ATP10B: variants seen among roughly 807,000 people sequenced by gnomAD.
ATP10B encodes phospholipid-transporting ATPase VB.
In ATP10B, 122 loss-of-function variants were observed where a neutral mutation model predicts 141.2. The ratio of observed to expected loss-of-function variants is 0.86; its 90% CI spans 0.75 to 1.00. The LOEUF (loss-of-function observed/expected upper bound fraction) is 1.00. Ranked by LOEUF, ATP10B falls within the 50% of genes least tolerant of loss-of-function variation. The pLI, the probability that ATP10B is intolerant of heterozygous loss-of-function variation, is 0.00. For missense variants in ATP10B, 1,876 were observed against 1,825.3 expected, an observed-to-expected ratio of 1.03 and a Z score of -0.51; for synonymous variants, 685 against 692.0, an observed-to-expected ratio of 0.99 and a Z score of 0.16.
chr5:160,787,377 G>A (rs533443706), intron 1 of ATP10B, among the ~76,000 whole-genome samples: 10 of 152,202 alleles, frequency 6.6e-5, no homozygotes, highest in African/African-American at 2.4e-4. Context: ...ACCTGGCTGT[G>A]TTTTCAACCC....
the ATP10B span, among the ~76,000 whole-genome samples, chr5:160,870,625 G>C: frequency 2.6e-5 from 4 of 151,770 alleles, no homozygotes; most frequent in African/African-American, 9.7e-5. Context: ...ACTAGAAGGA[G>C]AAAAAGATCA....
chr5:160,616,340 C>A (rs1757997177), intron 16 of ATP10B, among the ~76,000 whole-genome samples: 2 of 152,114 alleles, frequency 1.3e-5, no homozygotes, highest in African/African-American at 2.4e-5. Context: ...AGAAGAATAA[C>A]TGAATAGGGG....
chr5:160,743,790 G>C (rs1250002585), intron 2 of ATP10B, among the ~76,000 whole-genome samples: 1 of 152,102 alleles, frequency 6.6e-6, no homozygotes, highest in Non-Finnish European at 1.5e-5. Flanking sequence ...TCTCAGCTGG[G>C]ATTTATTTTG....
At chr5:160,601,037 G>T (rs979943390) in intron 21 of ATP10B, among the ~76,000 whole-genome samples, 1 of 152,052 alleles carries the variant, frequency 6.6e-6, no homozygotes, top group Non-Finnish European at 1.5e-5. Flanking sequence ...TTATTCAAAA[G>T]AATTATTCCT....
intron 2 of ATP10B, among the ~76,000 whole-genome samples, chr5:160,739,234 T>C (rs1767308095): frequency 6.6e-6 from 1 of 152,158 alleles, no homozygotes; most frequent in Non-Finnish European, 1.5e-5. Context: ...CTATATTCGA[T>C]GGTGAGAGGC....
chr5:160,695,102 T>C (rs758087656), intron 3 of ATP10B, among the ~76,000 whole-genome samples: 3 of 152,134 alleles, frequency 2.0e-5, no homozygotes, highest in Non-Finnish European at 4.4e-5. Context: ...AACAGAACAA[T>C]AGAAAAATAA....
chr5:160,811,787 G>T (rs1773170734), intron 1 of ATP10B, among the ~76,000 whole-genome samples: 1 of 152,158 alleles, frequency 6.6e-6, no homozygotes, highest in East Asian at 1.9e-4. Context: ...CTGAAAGGAA[G>T]GATACAAACC....
At chr5:160,617,777 G>T in intron 16 of ATP10B, 87 bp downstream of exon 16, 1 of 1,154,992 alleles carries the variant, frequency 8.7e-7, no homozygotes, top group South Asian at 1.3e-5. Context: ...CCACCTCTAA[G>T]GGTCTTTTAT....
chr5:160,707,563 T>C (rs1402846552), intron 3 of ATP10B, among the ~76,000 whole-genome samples: 1 of 152,242 alleles, frequency 6.6e-6, no homozygotes, highest in Non-Finnish European at 1.5e-5. Context: ...TAAATTGTAA[T>C]ATGCGCATGT....
At chr5:160,823,594 C>T (rs1051773453) in intron 1 of ATP10B, among the ~76,000 whole-genome samples, 24 of 152,290 alleles carry the variant, frequency 1.6e-4, no homozygotes, top group Middle Eastern at 3.4e-3. Flanking sequence ...CTGTGGCCTA[C>T]GCCTGTAATC....
intron 7 of ATP10B, among the ~76,000 whole-genome samples, chr5:160,660,755 T>C (rs1276392024): frequency 6.6e-6 from 1 of 152,192 alleles, no homozygotes; most frequent in Non-Finnish European, 1.5e-5. Flanking sequence ...TGACATAACA[T>C]TGACATGCAC....
At chr5:160,678,551 C>T (rs1313700154) in intron 6 of ATP10B, among the ~76,000 whole-genome samples, 19 of 152,058 alleles carry the variant, frequency 1.2e-4, no homozygotes, top group African/African-American at 2.7e-4. Context: ...CCCAGCTACT[C>T]GGGAGGCTGA....
At chr5:160,655,347 AC>A (rs965677821) in intron 7 of ATP10B, among the ~76,000 whole-genome samples, 37 of 150,908 alleles carry the variant, frequency 2.5e-4, no homozygotes, top group Admixed American at 1.1e-3. Context: ...AGAAGGTTCC[AC>A]CCCCGCCAAT....
At chr5:160,612,600 G>T in intron 18 of ATP10B, 141 bp downstream of exon 18, 1 of 643,358 alleles carries the variant, frequency 1.6e-6, no homozygotes, top group Non-Finnish European at 2.6e-6. Context: ...GGGTCCTCTA[G>T]ACTCCAAGAT....
chr5:160,809,407 T>C (rs1772997829), intron 1 of ATP10B, among the ~76,000 whole-genome samples: 1 of 152,196 alleles, frequency 6.6e-6, no homozygotes, highest in Non-Finnish European at 1.5e-5. Flanking sequence ...ATTTTTTTTC[T>C]ACTTGACACG....
At chr5:160,647,779 C>T (rs1760400119) in intron 8 of ATP10B, among the ~76,000 whole-genome samples, 2 of 152,292 alleles carry the variant, frequency 1.3e-5, no homozygotes, top group African/African-American at 4.8e-5. Context: ...TCCCCAGGAC[C>T]TCAGGCCCTT....
chr5:160,643,535 CGCT>C (rs1284005789), intron 9 of ATP10B, among the ~76,000 whole-genome samples: 11 of 152,266 alleles, frequency 7.2e-5, no homozygotes, highest in African/African-American at 2.6e-4. Flanking sequence ...TTGTGAGAAG[CGCT>C]GCTATTATCT....
intron 1 of ATP10B, among the ~76,000 whole-genome samples, chr5:160,812,053 A>G (rs962088979): frequency 2.9e-5 from 4 of 138,666 alleles, no homozygotes; most frequent in African/African-American, 7.7e-5. Flanking sequence ...AGAGAGAGAG[A>G]GAGAGAGGGA....
the ATP10B span, among the ~76,000 whole-genome samples, chr5:160,915,595 G>C: frequency 6.4e-4 from 98 of 152,314 alleles, no homozygotes; most frequent in African/African-American, 2.3e-3. Context: ...GCCTTCCAAA[G>C]TGCTGGGATC....
Sources: gnomAD v4.1 joint callset for allele counts (sites outside exome capture counted in the v4.1 genomes callset) on GRCh38, gnomAD v4.1.1 for gene constraint, MANE v1.5 for transcripts, NCBI Gene and HGNC (gene_info 2026-07-23, HGNC 2026-07-21) for gene names.